SYT1: variants seen among roughly 807,000 people sequenced by gnomAD.
SYT1 encodes the protein synaptotagmin-1.
SYT1 carries 8 observed loss-of-function variants against 44.8 expected under a neutral mutation model. The observed-to-expected ratio is 0.18, with a 90% CI of 0.10 to 0.32. The LOEUF (loss-of-function observed/expected upper bound fraction) is 0.32. Ranked by LOEUF, SYT1 falls within the 10% of genes least tolerant of loss-of-function variation. SYT1 has a pLI of 1.00. For missense variants in SYT1, 286 were observed against 509.3 expected (o/e 0.56, Z 4.22); for synonymous variants, 154 against 188.8 (o/e 0.82, Z 1.51).
chr12:79,143,606 C>T (rs1415973678), intron 3 of SYT1, among the ~76,000 whole-genome samples: 1 of 152,186 alleles, frequency 6.6e-6, no homozygotes, highest in Non-Finnish European at 1.5e-5. Flanking sequence ...ACAACCCAGT[C>T]ATTTTATGTT....
chr12:79,165,925 TTTC>T (rs1203912960), intron 3 of SYT1, among the ~76,000 whole-genome samples: 2 of 152,024 alleles, frequency 1.3e-5, no homozygotes, highest in Non-Finnish European at 2.9e-5. Flanking sequence ...AATTCAATTT[TTTC>T]TTACTTTTTC....
intron 8 of SYT1, among the ~76,000 whole-genome samples, chr12:79,326,388 C>A (rs926370718): frequency 2.0e-5 from 3 of 152,140 alleles, no homozygotes; most frequent in Non-Finnish European, 4.4e-5. Context: ...CAGGCAGAAG[C>A]TGAGAAGGAG....
At chr12:79,421,439 C>T (rs753931747) in intron 9 of SYT1, among the ~76,000 whole-genome samples, 7 of 152,102 alleles carry the variant, frequency 4.6e-5, no homozygotes, top group Non-Finnish European at 8.8e-5. Context: ...CAAGGAACAC[C>T]TCACTGGAGT....
At chr12:79,247,284 G>A (rs1287999754) in intron 4 of SYT1, among the ~76,000 whole-genome samples, 4 of 151,940 alleles carry the variant, frequency 2.6e-5, no homozygotes, top group African/African-American at 9.7e-5. Flanking sequence ...CCCATTTACC[G>A]GTACTTTCGG....
intron 3 of SYT1, among the ~76,000 whole-genome samples, chr12:79,096,350 C>T (rs1425537624): frequency 2.6e-5 from 4 of 151,906 alleles, no homozygotes; most frequent in East Asian, 3.9e-4. Flanking sequence ...TCTGAATAGC[C>T]GTCTCAAAAT....
intron 3 of SYT1, among the ~76,000 whole-genome samples, chr12:79,196,354 G>C (rs1409044904): frequency 6.6e-6 from 1 of 152,036 alleles, no homozygotes; most frequent in Non-Finnish European, 1.5e-5. Context: ...TTTTACTAGA[G>C]ATGGGGTTTC....
chr12:79,001,918 A>G (rs1367634290), intron 2 of SYT1, among the ~76,000 whole-genome samples: 1 of 152,052 alleles, frequency 6.6e-6, no homozygotes, highest in Non-Finnish European at 1.5e-5. Context: ...AAAAGAAGCT[A>G]AAAAGAGTAC....
chr12:79,337,176 T>C (rs2139033240), intron 8 of SYT1, among the ~76,000 whole-genome samples: 1 of 152,272 alleles, frequency 6.6e-6, no homozygotes, highest in African/African-American at 2.4e-5. Flanking sequence ...ACAAAGAAGA[T>C]ATTATTTATC....
chr12:79,061,961 G>A (rs923013406), intron 3 of SYT1, among the ~76,000 whole-genome samples: 1 of 152,092 alleles, frequency 6.6e-6, no homozygotes, highest in Non-Finnish European at 1.5e-5. Flanking sequence ...AACAAGCGAA[G>A]GAGAAGAAAA....
At chr12:79,163,738 T>C (rs1423028827) in intron 3 of SYT1, among the ~76,000 whole-genome samples, 1 of 152,076 alleles carries the variant, frequency 6.6e-6, no homozygotes, top group Non-Finnish European at 1.5e-5. Flanking sequence ...CCATCACCAA[T>C]GAATACCCTG....
At chr12:79,378,468 C>CTTCATGAATGAATTTGTAA (rs1884089209) in intron 9 of SYT1, among the ~76,000 whole-genome samples, 1 of 152,182 alleles carries the variant, frequency 6.6e-6, no homozygotes, top group Non-Finnish European at 1.5e-5. Flanking sequence ...AGCCAGTTTA[C>CTTCATGAATGAATTTGTAA]AGAAATGAAT....
chr12:79,367,485 AG>A (rs945766826), intron 9 of SYT1, among the ~76,000 whole-genome samples: 3 of 152,312 alleles, frequency 2.0e-5, no homozygotes, highest in Middle Eastern at 3.4e-3. Flanking sequence ...TGAGTGGTCA[AG>A]GTTTCATCTT....
At chr12:79,039,663 G>A (rs960529087) in intron 2 of SYT1, among the ~76,000 whole-genome samples, 3 of 147,736 alleles carry the variant, frequency 2.0e-5, no homozygotes, top group African/African-American at 7.5e-5. Context: ...GGGTACATGT[G>A]CACATTGTGC....
chr12:78,900,456 A>G (rs925898412), intron 1 of SYT1, among the ~76,000 whole-genome samples: 3 of 152,128 alleles, frequency 2.0e-5, no homozygotes, highest in African/African-American at 7.2e-5. Flanking sequence ...TTTAGATTGA[A>G]TAGTCAAGGA....
chr12:79,148,446 A>G (rs1396850341), intron 3 of SYT1, among the ~76,000 whole-genome samples: 1 of 152,152 alleles, frequency 6.6e-6, no homozygotes, highest in Non-Finnish European at 1.5e-5. Flanking sequence ...TTTTAATTTC[A>G]GGAGAAGGTC....
At chr12:79,226,771 G>T (rs545725493) in intron 4 of SYT1, among the ~76,000 whole-genome samples, 91 of 152,112 alleles carry the variant, frequency 6.0e-4, no homozygotes, top group African/African-American at 2.1e-3. Flanking sequence ...GTGTGTAATA[G>T]TATGTATTTT....
At chr12:79,134,437 G>A (rs534475947) in intron 3 of SYT1, among the ~76,000 whole-genome samples, 1 of 152,266 alleles carries the variant, frequency 6.6e-6, no homozygotes, top group African/African-American at 2.4e-5. Context: ...GAATGAAAAT[G>A]TCAGGCTAAC....
chr12:79,240,638 G>A (rs763189505), intron 4 of SYT1, among the ~76,000 whole-genome samples: 13 of 152,206 alleles, frequency 8.5e-5, no homozygotes, highest in Admixed American at 3.3e-4. Flanking sequence ...TTGGAGACAC[G>A]GTTCCAATTC....
chr12:79,050,633 C>A (rs1404409356), intron 3 of SYT1, among the ~76,000 whole-genome samples: 1 of 152,000 alleles, frequency 6.6e-6, no homozygotes, highest in East Asian at 1.9e-4. Flanking sequence ...GGAGTTGATA[C>A]ACTCACTCAA....
Sources: gnomAD v4.1 joint callset for allele counts (sites outside exome capture counted in the v4.1 genomes callset) on GRCh38, gnomAD v4.1.1 for gene constraint, MANE v1.5 for transcripts, NCBI Gene and HGNC (gene_info 2026-07-23, HGNC 2026-07-21) for gene names.